Variants in RB1CC1 observed in about 807,000 individuals in gnomAD.
The protein encoded by RB1CC1 is RB1 inducible coiled-coil 1, also known as RB1-inducible coiled-coil protein 1.
In RB1CC1, 46 loss-of-function variants were observed where a neutral mutation model predicts 177.5. That is an observed-to-expected ratio of 0.26 (90% CI 0.20 to 0.33). The LOEUF (loss-of-function observed/expected upper bound fraction) is 0.33. RB1CC1 is among the 10% of genes least tolerant of loss of function. RB1CC1 has a pLI of 1.00. For synonymous variants in RB1CC1, 666 were observed against 613.6 expected, an observed-to-expected ratio of 1.09 and a Z score of -1.26; for missense variants, 1,703 against 1,816.3, an observed-to-expected ratio of 0.94 and a Z score of 1.13.
chr8:52,707,413 CTTTTCT>C (rs1167358567), intron 1 of RB1CC1, among the ~76,000 whole-genome samples: 1 of 144,156 alleles, frequency 6.9e-6, no homozygotes, highest in Non-Finnish European at 1.5e-5. Context: ...AGTTATTTTT[CTTTTCT>C]TTTTCTTTCT....
At chr8:52,639,519 C>T (rs2150402377) in intron 18 of RB1CC1, among the ~76,000 whole-genome samples, 1 of 152,272 alleles carries the variant, frequency 6.6e-6, no homozygotes, top group African/African-American at 2.4e-5. Context: ...GCAATGGTGA[C>T]AGCTGGCATT....
chr8:52,632,581 T>C (rs1848844582), intron 20 of RB1CC1, among the ~76,000 whole-genome samples: 2 of 152,210 alleles, frequency 1.3e-5, no homozygotes, highest in African/African-American at 4.8e-5. Flanking sequence ...AAAAAATTTG[T>C]TAATATAGCT....
At chr8:52,675,667 G>A (rs1009738683) in intron 6 of RB1CC1, among the ~76,000 whole-genome samples, 4 of 142,750 alleles carry the variant, frequency 2.8e-5, no homozygotes, top group East Asian at 2.0e-4. Context: ...TCAGGAGATC[G>A]AGACCATCCT....
intron 1 of RB1CC1, among the ~76,000 whole-genome samples, chr8:52,696,294 G>A (rs1309213987): frequency 2.6e-5 from 4 of 151,254 alleles, no homozygotes; most frequent in African/African-American, 7.3e-5. Context: ...CACCCGCCTC[G>A]GCCTCCCAAA....
At chr8:52,696,303 A>G (rs1195452501) in intron 1 of RB1CC1, among the ~76,000 whole-genome samples, 1 of 151,728 alleles carries the variant, frequency 6.6e-6, no homozygotes, top group Non-Finnish European at 1.5e-5. Context: ...CGGCCTCCCA[A>G]AGTGCTGGGA....
intron 20 of RB1CC1, among the ~76,000 whole-genome samples, chr8:52,631,200 T>C (rs753628376): frequency 1.3e-5 from 2 of 152,072 alleles, no homozygotes; most frequent in Non-Finnish European, 1.5e-5. Context: ...GACCAGGAAG[T>C]TGAGTCTTTG....
chr8:52,654,693 G>A (rs561346120), intron 15 of RB1CC1, among the ~76,000 whole-genome samples: 1 of 152,238 alleles, frequency 6.6e-6, no homozygotes, highest in Non-Finnish European at 1.5e-5. Context: ...TTGGGCCTAC[G>A]CTGTCCAGCT....
At chr8:52,659,853 TG>T (rs1851459254) in intron 12 of RB1CC1, among the ~76,000 whole-genome samples, 1 of 152,116 alleles carries the variant, frequency 6.6e-6, no homozygotes, top group African/African-American at 2.4e-5. Flanking sequence ...AAAACTTAGC[TG>T]GATGTGGTGG....
Position 52,699,858 on chromosome 8 carries a change from T to TATATAC in RB1CC1, c.-166-12892_-166-12891insGTATAT, listed in dbSNP as rs756226534. Among the ~76,000 whole-genome samples, 273 of 102,640 alleles carry TATATAC rather than the reference T, an allele frequency of 2.7e-3. 1 individual carries two copies. Among genetic ancestry groups the TATATAC allele is most frequent in the Non-Finnish European group, 3.7e-3 (204 of 55,232 alleles). The allele number at this position is 102,640 out of a possible 152,430, so 67.3% of individuals were successfully genotyped here. The stretch of plus-strand genomic sequence containing the variant: ...ATATATATATATATATATATATATA[T>TATATAC]ACACACAAAAACAAAAGAAAGCTTA... On this transcript the variant is annotated intron_variant, in intron 1 of 23. Coordinates refer to ENST00000025008, the MANE Select transcript of RB1CC1 (RefSeq NM_014781.5).
chr8:52,674,812 A>T (rs1012965233), intron 6 of RB1CC1, among the ~76,000 whole-genome samples: 15 of 152,076 alleles, frequency 9.9e-5, no homozygotes, highest in Admixed American at 9.8e-4. Flanking sequence ...TAGCTATACT[A>T]AACAAGTGAA....
intron 1 of RB1CC1, among the ~76,000 whole-genome samples, chr8:52,698,002 G>T (rs1178850808): frequency 6.6e-6 from 1 of 152,124 alleles, no homozygotes; most frequent in Non-Finnish European, 1.5e-5. Context: ...ACAAATATTT[G>T]TCTACCCATA....
intron 15 of RB1CC1, among the ~76,000 whole-genome samples, chr8:52,655,114 C>G (rs1850963564): frequency 6.6e-6 from 1 of 152,142 alleles, no homozygotes; most frequent in Non-Finnish European, 1.5e-5. Flanking sequence ...CATGCAAACC[C>G]TAATTCCTCT....
At position 52,624,761 on chromosome 8, in the gene RB1CC1, C is replaced by T. The variant is rs1330079055; in HGVS notation, c.4663G>A (p.Val1555Ile). The change falls in exon 23 of 24, where the codon GTA becomes ATA. Residue 1555 changes from valine (V) to isoleucine (I), a missense_variant. This residue lies in a region of RB1CC1 where 70 missense variants were observed against 118.0 expected (regional missense o/e 0.59). Transcript: ENST00000025008. The part of the protein sequence containing the change: ...GASGASRRPW[V>I]LGKVMEKEYC... ...TCTTTTTCCATTACTTTTCCAAGTACCCAGGGTCTTCTAGATGCACCTGAA... is the reference window on the plus strand; with the variant it reads ...TCTTTTTCCATTACTTTTCCAAGTATCCAGGGTCTTCTAGATGCACCTGAA... 5 of 1,589,712 alleles carry T rather than the reference C, an allele frequency of 3.1e-6. No homozygotes were observed. Among genetic ancestry groups the T allele is most frequent in the Non-Finnish European group, 4.3e-6 (5 of 1,164,572 alleles).
chr8:52,664,814 C>T (rs1023919126), intron 8 of RB1CC1, among the ~76,000 whole-genome samples: 1 of 152,136 alleles, frequency 6.6e-6, no homozygotes, highest in African/African-American at 2.4e-5. Flanking sequence ...TATGACAAAA[C>T]TCCATTTGCT....
At position 52,656,992 on chromosome 8, in the gene RB1CC1, C is replaced by A. The variant is rs778645714; in HGVS notation, c.2837G>T (p.Cys946Phe). The A allele has an allele frequency of 2.5e-5, 40 of 1,613,642 alleles. No individual in the cohort carries two copies. The highest frequency in any genetic ancestry group is 2.2e-4 in the East Asian group (10 of 44,852). ...EMENIMHSQN[C>F]EIKELKQSRE... ...TGACTGCTTCAGTTCTTTAATTTCA[C>A]AATTTTGAGAGTGCATTATATTTTC... Residue 946 changes from cysteine (C) to phenylalanine (F), a missense_variant, in exon 15 of 24, where the codon TGT (cysteine) becomes TTT (phenylalanine). By Grantham distance (205) the Cys-to-Phe change is radical. Transcript: ENST00000025008.
intron 16 of RB1CC1, among the ~76,000 whole-genome samples, chr8:52,643,904 C>T (rs928452360): frequency 6.6e-6 from 1 of 151,676 alleles, no homozygotes; most frequent in African/African-American, 2.4e-5. Context: ...AAAAGTAATA[C>T]AGCATTTTTA....
At chr8:52,640,674 C>T (rs113821629) in intron 18 of RB1CC1, among the ~76,000 whole-genome samples, 3 of 152,118 alleles carry the variant, frequency 2.0e-5, no homozygotes, top group African/African-American at 4.8e-5. Flanking sequence ...GGTTTTCATA[C>T]GGTGGTTCAC....
At chr8:52,713,190 G>T (rs1274652096) in intron 1 of RB1CC1, among the ~76,000 whole-genome samples, 1 of 152,192 alleles carries the variant, frequency 6.6e-6, no homozygotes, top group Non-Finnish European at 1.5e-5. Context: ...CCATCTGGCT[G>T]AATGTCTCGT....
chr8:52,676,265 A>C (rs1853119743), intron 6 of RB1CC1, 104 bp downstream of exon 6: 2 of 992,322 alleles, frequency 2.0e-6, no homozygotes, highest in African/African-American at 3.3e-5. Context: ...CCTCAGTTAC[A>C]ATAAATATAT....
Sources: allele counts gnomAD v4.1 joint callset (sites outside exome capture counted in the v4.1 genomes callset), GRCh38; gene constraint gnomAD v4.1.1; regional missense constraint gnomAD v4.1.1; transcripts MANE v1.5; gene names NCBI Gene and HGNC (gene_info 2026-07-23, HGNC 2026-07-21).